The following SPATA16 variants were observed in gnomAD, a reference collection of about 807,000 sequenced individuals.
SPATA16 encodes spermatogenesis associated 16.
SPATA16 carries 36 observed loss-of-function variants against 63.3 expected under a neutral mutation model. The ratio of observed to expected loss-of-function variants is 0.57; its 90% CI spans 0.44 to 0.75. SPATA16 has a LOEUF of 0.75. Among genes scored for constraint, SPATA16 ranks in the 30% least tolerant of loss-of-function variants. SPATA16 has a pLI of 0.00. For missense variants in SPATA16, 646 were observed against 679.3 expected (o/e 0.95, Z 0.54); for synonymous variants, 203 against 216.7 (o/e 0.94, Z 0.56).
intron 10 of SPATA16, among the ~76,000 whole-genome samples, chr3:172,900,237 A>G (rs1732100677): frequency 6.6e-6 from 1 of 152,180 alleles, no homozygotes; most frequent in Non-Finnish European, 1.5e-5. Context: ...GAAAAATATT[A>G]TGCCACTTAC....
chr3:173,105,803 T>TCCTC (rs1396353133), intron 2 of SPATA16, among the ~76,000 whole-genome samples: 2 of 23,048 alleles, frequency 8.7e-5, no homozygotes, highest in African/African-American at 1.9e-4. Context: ...CTCTCTCCCT[T>TCCTC]CCTCCCTTCC....
At chr3:172,896,176 C>T (rs1732004748) in intron 10 of SPATA16, among the ~76,000 whole-genome samples, 2 of 151,580 alleles carry the variant, frequency 1.3e-5, no homozygotes, top group South Asian at 2.1e-4. Flanking sequence ...TGATCTTAGG[C>T]TTTATAATAG....
At chr3:172,923,266 C>T (rs908879717) in intron 8 of SPATA16, among the ~76,000 whole-genome samples, 1 of 152,112 alleles carries the variant, frequency 6.6e-6, no homozygotes, top group South Asian at 2.1e-4. Flanking sequence ...GAAGGGGTAG[C>T]TTTGTGGTAG....
At chr3:173,123,528 T>C (rs2108342039) in intron 1 of SPATA16, among the ~76,000 whole-genome samples, 1 of 152,138 alleles carries the variant, frequency 6.6e-6, no homozygotes, top group East Asian at 1.9e-4. Context: ...CCCTCTAAAA[T>C]GATAACAAAA....
At position 173,024,321 on chromosome 3, in the gene SPATA16, T is replaced by C. The variant is rs537438975; in HGVS notation, c.759-4746A>G. 4.0e-5 allele frequency among the ~76,000 whole-genome samples: 6 copies of C among 151,816 alleles called. No homozygotes were observed. The East Asian group carries it at 1.2e-3, about 29-fold the overall frequency. The stretch of plus-strand genomic sequence containing the variant: ...GGCTAAATTTTTTAGAAAAAGAATT[T>C]AGATAAGTAGGGTGATCTAAGAGTG... On this transcript the variant is annotated intron_variant, in intron 3 of 10. Coordinates refer to ENST00000351008, the MANE Select transcript of SPATA16 (RefSeq NM_031955.6).
At chr3:173,086,457 A>G (rs1214141165) in intron 2 of SPATA16, among the ~76,000 whole-genome samples, 1 of 152,014 alleles carries the variant, frequency 6.6e-6, no homozygotes, top group East Asian at 1.9e-4. Flanking sequence ...CTAGTAGTCT[A>G]TCTATTCCAT....
chr3:173,011,994 T>G (rs2108272265), intron 4 of SPATA16, among the ~76,000 whole-genome samples: 1 of 152,138 alleles, frequency 6.6e-6, no homozygotes, highest in Middle Eastern at 3.4e-3. Context: ...AAAAAAAAAG[T>G]TTGTTTTTTC....
rs1281653533 is a variant in SPATA16, at chr3:173,010,472, T to TGTGTGTG, written c.848+9013_848+9014insCACACAC. ...TGTGTGTGTGTGTGTGTGTGTGTGT[T>TGTGTGTG]TGTTTTTGTTTTTGTGGTGGGGCTC... On this transcript the variant is annotated intron_variant, in intron 4 of 10. Transcript: ENST00000351008. Among the ~76,000 whole-genome samples, 140 of 103,738 alleles carry TGTGTGTG rather than the reference T, an allele frequency of 1.3e-3. 1 individual carries two copies. Among genetic ancestry groups the TGTGTGTG allele is most frequent in the African/African-American group, 5.5e-3 (115 of 20,758 alleles). The allele number at this position is 103,738 out of a possible 152,430, so 68.1% of individuals were successfully genotyped here.
chr3:173,048,140 CA>C (rs1735998705), intron 3 of SPATA16, among the ~76,000 whole-genome samples: 1 of 152,006 alleles, frequency 6.6e-6, no homozygotes, highest in African/African-American at 2.4e-5. Flanking sequence ...CATTTGTACC[CA>C]AAAGAAGTAC....
At chr3:172,948,218 C>T (rs1033080881) in intron 6 of SPATA16, among the ~76,000 whole-genome samples, 8 of 152,024 alleles carry the variant, frequency 5.3e-5, no homozygotes, top group African/African-American at 7.2e-5. Flanking sequence ...GATAAATAAA[C>T]GATTCTAAAA....
chr3:173,109,426 T>C (rs1001969459), intron 2 of SPATA16, among the ~76,000 whole-genome samples: 13 of 152,120 alleles, frequency 8.5e-5, no homozygotes, highest in African/African-American at 3.1e-4. Context: ...AAAGCCTCAA[T>C]AGTAAGGAAG....
intron 2 of SPATA16, among the ~76,000 whole-genome samples, chr3:173,049,796 T>C (rs961602440): frequency 2.0e-5 from 3 of 152,116 alleles, no homozygotes; most frequent in Non-Finnish European, 4.4e-5. Context: ...AGAAAATAAT[T>C]AATTTTTTTT....
At chr3:172,969,684 A>T (rs559633848) in intron 5 of SPATA16, among the ~76,000 whole-genome samples, 1 of 152,290 alleles carries the variant, frequency 6.6e-6, no homozygotes, top group East Asian at 1.9e-4. Context: ...ATTTTGGTAG[A>T]TTGAGTTGTG....
At chr3:173,010,741 T>C (rs1735052462) in intron 4 of SPATA16, among the ~76,000 whole-genome samples, 2 of 152,028 alleles carry the variant, frequency 1.3e-5, no homozygotes, top group Non-Finnish European at 2.9e-5. Context: ...CAATGGTGGC[T>C]CAAAGTACTT....
chr3:173,056,705 CAAAAAAAAAA>C (rs71162325), intron 2 of SPATA16, among the ~76,000 whole-genome samples: 1,634 of 73,632 alleles, frequency 0.022, 30 homozygotes, highest in Non-Finnish European at 0.029. Context: ...ACTCTTGTTT[CAAAAAAAAAA>C]AAAAAAAAAA....
chr3:172,925,518 A>G, intron 6 of SPATA16, 26 bp from the exon 7 acceptor site: 1 of 1,613,816 alleles, frequency 6.2e-7, no homozygotes, highest in East Asian at 2.2e-5. Flanking sequence ...AAGAGAACTA[A>G]GAGGCTTTGT....
chr3:172,943,151 A>G (rs1367996643), intron 6 of SPATA16, among the ~76,000 whole-genome samples: 1 of 152,206 alleles, frequency 6.6e-6, no homozygotes, highest in African/African-American at 2.4e-5. Context: ...CAGGACATAA[A>G]AGAAATAATA....
At chr3:173,057,447 A>G (rs1057044563) in intron 2 of SPATA16, among the ~76,000 whole-genome samples, 1 of 150,012 alleles carries the variant, frequency 6.7e-6, no homozygotes, top group Admixed American at 6.6e-5. Flanking sequence ...ATAATTCTTA[A>G]GCTGCATCTT....
At chr3:172,917,919 G>A (rs571825069) in intron 8 of SPATA16, among the ~76,000 whole-genome samples, 57 of 152,304 alleles carry the variant, frequency 3.7e-4, no homozygotes, top group Non-Finnish European at 6.5e-4. Context: ...TAGAATCTTG[G>A]AAATAAAGAA....
Sources: gnomAD v4.1 joint callset for allele counts (sites outside exome capture counted in the v4.1 genomes callset) on GRCh38, gnomAD v4.1.1 for gene constraint, MANE v1.5 for transcripts, NCBI Gene and HGNC (gene_info 2026-07-23, HGNC 2026-07-21) for gene names.